Variants in RPS6KC1 observed in about 807,000 individuals in gnomAD.
RPS6KC1 encodes the protein ribosomal protein S6 kinase C1, also known as inactive ribosomal protein S6 kinase delta-1.
RPS6KC1 carries 54 observed loss-of-function variants against 103.8 expected under a neutral mutation model. That is an observed-to-expected ratio of 0.52 (90% CI 0.42 to 0.65). The LOEUF (loss-of-function observed/expected upper bound fraction) is 0.65. RPS6KC1 is among the 30% of genes least tolerant of loss of function. The pLI, the probability that RPS6KC1 is intolerant of heterozygous loss-of-function variation, is 0.00. For missense variants in RPS6KC1, 1,151 were observed against 1,253.8 expected (o/e 0.92, Z 1.24); for synonymous variants, 439 against 438.7 (o/e 1.00, Z -0.01).
At chr1:213,428,524 C>CCTTCCTTCCTTCCGTCCTCTT in the RPS6KC1 span, among the ~76,000 whole-genome samples, 1 of 43,182 alleles carries the variant, frequency 2.3e-5, no homozygotes, top group Non-Finnish European at 4.6e-5. Context: ...CTTCCTCTTT[C>CCTTCCTTCCTTCCGTCCTCTT]TCTCTCTCTC....
chr1:213,494,413 T>A, the RPS6KC1 span, among the ~76,000 whole-genome samples: 5 of 151,990 alleles, frequency 3.3e-5, no homozygotes, highest in African/African-American at 1.2e-4. Flanking sequence ...GTCTGCAGGA[T>A]GAGGTAAAAA....
At chr1:213,560,612 C>A in the RPS6KC1 span, among the ~76,000 whole-genome samples, 5 of 152,282 alleles carry the variant, frequency 3.3e-5, no homozygotes, top group Middle Eastern at 3.4e-3. Flanking sequence ...TTAATTTTAA[C>A]CTTTGAGACC....
the RPS6KC1 span, among the ~76,000 whole-genome samples, chr1:213,340,212 C>T: frequency 6.6e-6 from 1 of 152,152 alleles, no homozygotes; most frequent in African/African-American, 2.4e-5. Flanking sequence ...CCCTGTGATG[C>T]TGGGCTTCTC....
At chr1:213,736,571 A>G in the RPS6KC1 span, among the ~76,000 whole-genome samples, 7 of 152,146 alleles carry the variant, frequency 4.6e-5, no homozygotes, top group African/African-American at 1.4e-4. Flanking sequence ...GTCATCTTCT[A>G]TTGGTTAGAA....
chr1:213,530,956 CAG>C, the RPS6KC1 span, among the ~76,000 whole-genome samples: 1 of 152,198 alleles, frequency 6.6e-6, no homozygotes, highest in Non-Finnish European at 1.5e-5. Context: ...CTTGTGTATA[CAG>C]ATTGGACACT....
chr1:213,392,133 G>T, the RPS6KC1 span, among the ~76,000 whole-genome samples: 1 of 152,172 alleles, frequency 6.6e-6, no homozygotes, highest in South Asian at 2.1e-4. Context: ...TACAGAAAAA[G>T]TCCCACCCAT....
the RPS6KC1 span, among the ~76,000 whole-genome samples, chr1:213,728,491 G>A: frequency 1.3e-5 from 2 of 152,034 alleles, no homozygotes; most frequent in East Asian, 1.9e-4. Flanking sequence ...CTCATTTAAC[G>A]TCCATGCCAG....
intron 12 of RPS6KC1, among the ~76,000 whole-genome samples, chr1:213,255,136 A>G (rs2094612383): frequency 6.6e-6 from 1 of 152,012 alleles, no homozygotes; most frequent in Admixed American, 6.6e-5. Context: ...TCCTCTGTCT[A>G]CAAAAAATAG....
the RPS6KC1 span, among the ~76,000 whole-genome samples, chr1:213,810,777 T>A: frequency 6.6e-6 from 1 of 152,250 alleles, no homozygotes. Context: ...TAATTCATTA[T>A]TGATGTAATC....
At chr1:213,357,587 G>A in the RPS6KC1 span, among the ~76,000 whole-genome samples, 2 of 152,218 alleles carry the variant, frequency 1.3e-5, no homozygotes, top group African/African-American at 4.8e-5. Flanking sequence ...AGGGCTCTGG[G>A]CCAGGGCTAG....
intron 5 of RPS6KC1, 44 bp from the exon 6 acceptor site, chr1:213,129,483 A>C (rs2085345855): frequency 6.6e-7 from 1 of 1,521,276 alleles, no homozygotes; most frequent in African/African-American, 1.4e-5. Context: ...CGTTTGGCTG[A>C]TTCTCAATTT....
chr1:213,634,093 A>C, the RPS6KC1 span, among the ~76,000 whole-genome samples: 17 of 151,894 alleles, frequency 1.1e-4, no homozygotes, highest in African/African-American at 2.4e-4. Flanking sequence ...TCCTTAGAGA[A>C]CTACAAAGAG....
chr1:213,301,627 A>C, the RPS6KC1 span, among the ~76,000 whole-genome samples: 2 of 152,168 alleles, frequency 1.3e-5, no homozygotes, highest in African/African-American at 4.8e-5. Flanking sequence ...TGAGCCCAGA[A>C]GTTCCAGGCT....
At chr1:213,355,143 A>G in the RPS6KC1 span, among the ~76,000 whole-genome samples, 1 of 152,106 alleles carries the variant, frequency 6.6e-6, no homozygotes, top group African/African-American at 2.4e-5. Flanking sequence ...ACTTGAACCC[A>G]GGGACAGAGG....
At chr1:213,384,879 C>T in the RPS6KC1 span, among the ~76,000 whole-genome samples, 1 of 152,218 alleles carries the variant, frequency 6.6e-6, no homozygotes, top group East Asian at 1.9e-4. Context: ...TTTTAAGTGA[C>T]ATGCTGAAAG....
At chr1:213,783,815 C>CAAAAAAAAAAAAAAA in the RPS6KC1 span, among the ~76,000 whole-genome samples, 9 of 65,992 alleles carry the variant, frequency 1.4e-4, no homozygotes, top group African/African-American at 3.0e-4. Flanking sequence ...AAGATGTTGC[C>CAAAAAAAAAAAAAAA]AAAAAAAAAA....
At chr1:213,777,203 CTG>C in the RPS6KC1 span, among the ~76,000 whole-genome samples, 2 of 152,110 alleles carry the variant, frequency 1.3e-5, no homozygotes, top group Non-Finnish European at 2.9e-5. Flanking sequence ...AATTGGGTAA[CTG>C]TTTGGTGTAA....
At chr1:213,056,472 C>T (rs1372214695) in intron 1 of RPS6KC1, among the ~76,000 whole-genome samples, 1 of 152,156 alleles carries the variant, frequency 6.6e-6, no homozygotes, top group Non-Finnish European at 1.5e-5. Context: ...TGTGTCCCCA[C>T]AAGGGCATTA....
chr1:213,076,617 G>GT (rs1005316265), intron 2 of RPS6KC1, among the ~76,000 whole-genome samples: 3,295 of 145,446 alleles, frequency 0.023, 114 homozygotes, highest in African/African-American at 0.073. Context: ...TTACAAAGTG[G>GT]TTTTTTTTTT....
Sources: gnomAD v4.1 joint callset for allele counts (sites outside exome capture counted in the v4.1 genomes callset) on GRCh38, gnomAD v4.1.1 for gene constraint, MANE v1.5 for transcripts, NCBI Gene and HGNC (gene_info 2026-07-23, HGNC 2026-07-21) for gene names.